The following TAFA1 variants were observed in gnomAD, a reference collection of about 807,000 sequenced individuals.
The protein encoded by TAFA1 is chemokine-like protein TAFA-1.
A neutral mutation model predicts 18.5 loss-of-function variants in TAFA1; 4 were observed. The ratio of observed to expected loss-of-function variants is 0.22; its 90% CI spans 0.11 to 0.49. The LOEUF (loss-of-function observed/expected upper bound fraction) is 0.49. TAFA1 is among the 20% of genes least tolerant of loss of function. The pLI, the probability that TAFA1 is intolerant of heterozygous loss-of-function variation, is 0.98. For synonymous variants in TAFA1, 56 were observed against 55.2 expected (o/e 1.01, Z -0.06); for missense variants, 147 against 169.0 (o/e 0.87, Z 0.72).
chr3:67,999,507 T>A (rs1704261390), upstream of TAFA1, among the ~76,000 whole-genome samples: 1 of 152,178 alleles, frequency 6.6e-6, no homozygotes, highest in African/African-American at 2.4e-5. Context: ...AGGTCCAATA[T>A]ACTGAAATTT....
chr3:68,261,969 A>AT (rs2067434134), intron 2 of TAFA1, among the ~76,000 whole-genome samples: 1 of 149,500 alleles, frequency 6.7e-6, no homozygotes, highest in Admixed American at 6.7e-5. Context: ...ATAATTTGAA[A>AT]TAAAAAAAAA....
At chr3:68,240,504 T>A (rs867741629) in intron 2 of TAFA1, among the ~76,000 whole-genome samples, 41 of 152,294 alleles carry the variant, frequency 2.7e-4, no homozygotes, top group African/African-American at 8.4e-4. Flanking sequence ...CTTCCTTTTT[T>A]AAAATCACTC....
At chr3:68,352,318 A>C (rs2069284448) in intron 2 of TAFA1, among the ~76,000 whole-genome samples, 1 of 151,994 alleles carries the variant, frequency 6.6e-6, no homozygotes, top group Non-Finnish European at 1.5e-5. Context: ...TGCAGGGGAA[A>C]CCTCAGTGAA....
intron 2 of TAFA1, among the ~76,000 whole-genome samples, chr3:68,018,974 G>C (rs1436360048): frequency 6.6e-6 from 1 of 152,142 alleles, no homozygotes; most frequent in Non-Finnish European, 1.5e-5. Flanking sequence ...ATTCCCATTT[G>C]TACAAAACAT....
intron 2 of TAFA1, among the ~76,000 whole-genome samples, chr3:68,369,423 T>A (rs2069636403): frequency 1.3e-5 from 2 of 152,346 alleles, no homozygotes; most frequent in Middle Eastern, 3.4e-3. Context: ...ATTTTCAATT[T>A]ATTCTTTGCA....
At chr3:68,107,551 A>T (rs899590664) in intron 2 of TAFA1, among the ~76,000 whole-genome samples, 17 of 152,134 alleles carry the variant, frequency 1.1e-4, no homozygotes, top group Admixed American at 3.9e-4. Context: ...TTTCTTTGGG[A>T]TCTGGTTCTA....
chr3:68,351,239 A>G (rs186443666), intron 2 of TAFA1, among the ~76,000 whole-genome samples: 1 of 152,238 alleles, frequency 6.6e-6, no homozygotes, highest in Non-Finnish European at 1.5e-5. Context: ...TAATTAAAAG[A>G]GTAACCTGGG....
intron 2 of TAFA1, among the ~76,000 whole-genome samples, chr3:68,097,763 T>G (rs1446288224): frequency 6.6e-5 from 10 of 152,080 alleles, no homozygotes; most frequent in Non-Finnish European, 1.5e-4. Context: ...TAAAATAGAT[T>G]AAGAGCTATG....
rs117405598 is a variant in TAFA1, at chr3:68,337,186, C to G, written c.119-80094C>G. Among the ~76,000 whole-genome samples, 1,630 of 152,198 alleles carry G rather than the reference C, an allele frequency of 0.011. 84 individuals carry two copies. In the East Asian group the frequency reaches 0.17, roughly 16 times the overall value. On this transcript the variant is annotated intron_variant, in intron 2 of 4. Coordinates refer to ENST00000478136, the MANE Select transcript of TAFA1 (RefSeq NM_213609.4). ...GGTTTAATTGGCTCACGGTTCCACA[C>G]ACTATACAGGAAACATGGCTGGGGT...
chr3:67,995,221 G>A, the TAFA1 span, among the ~76,000 whole-genome samples: 1 of 152,126 alleles, frequency 6.6e-6, no homozygotes, highest in Non-Finnish European at 1.5e-5. Flanking sequence ...TATTTTGGGG[G>A]TTGCCATAGT....
chr3:68,166,171 A>T (rs1049023779), intron 2 of TAFA1, among the ~76,000 whole-genome samples: 2 of 152,216 alleles, frequency 1.3e-5, no homozygotes, highest in Admixed American at 1.3e-4. Flanking sequence ...GTAGGCTGAA[A>T]CGTCATTGTT....
At chr3:68,190,399 A>T (rs1019466671) in intron 2 of TAFA1, among the ~76,000 whole-genome samples, 45 of 151,970 alleles carry the variant, frequency 3.0e-4, no homozygotes, top group African/African-American at 1.0e-3. Context: ...CACCCATCTG[A>T]ACTTGACTTT....
At chr3:68,506,745 C>T (rs1290269677) in intron 3 of TAFA1, among the ~76,000 whole-genome samples, 1 of 152,038 alleles carries the variant, frequency 6.6e-6, no homozygotes, top group Non-Finnish European at 1.5e-5. Context: ...TAGCTGAGAA[C>T]CTAACAATGC....
At chr3:68,479,782 T>G (rs1241071849) in intron 3 of TAFA1, among the ~76,000 whole-genome samples, 1 of 152,000 alleles carries the variant, frequency 6.6e-6, no homozygotes, top group Non-Finnish European at 1.5e-5. Context: ...GGAGGCATAA[T>G]TAAATCAGTA....
At chr3:68,248,092 G>A (rs888070186) in intron 2 of TAFA1, among the ~76,000 whole-genome samples, 1 of 152,160 alleles carries the variant, frequency 6.6e-6, no homozygotes, top group Non-Finnish European at 1.5e-5. Context: ...TCATATTAAG[G>A]TTTAGACTTT....
At position 68,479,346 on chromosome 3, in the gene TAFA1, C is replaced by A. The variant is rs147864850; in HGVS notation, c.260-59410C>A. On this transcript the variant is annotated intron_variant, in intron 3 of 4. Transcript: ENST00000478136. ...ACATATATGTGAATACACATATTTC[C>A]ACTCTGTATAAATAACAGCTTTAGA... 3.1e-3 allele frequency among the ~76,000 whole-genome samples: 469 copies of A among 150,784 alleles called. 4 individuals carry two copies. Among genetic ancestry groups the A allele is most frequent in the African/African-American group, 0.011 (438 of 40,902 alleles).
intron 2 of TAFA1, among the ~76,000 whole-genome samples, chr3:68,038,732 A>G (rs1222421787): frequency 1.3e-5 from 2 of 152,232 alleles, no homozygotes; most frequent in Non-Finnish European, 2.9e-5. Flanking sequence ...CAATGACATT[A>G]AAAGTAGGAA....
chr3:68,331,375 T>A (rs533598750), intron 2 of TAFA1, among the ~76,000 whole-genome samples: 11 of 152,304 alleles, frequency 7.2e-5, no homozygotes, highest in Admixed American at 3.9e-4. Context: ...GTGATGGTTT[T>A]GCATCACTGT....
intron 2 of TAFA1, among the ~76,000 whole-genome samples, chr3:68,069,859 A>T (rs1188394258): frequency 6.6e-6 from 1 of 152,226 alleles, no homozygotes; most frequent in Non-Finnish European, 1.5e-5. Flanking sequence ...CTTTGAATCC[A>T]TGTCTCACAT....
Sources: allele counts gnomAD v4.1 joint callset (sites outside exome capture counted in the v4.1 genomes callset), GRCh38; gene constraint gnomAD v4.1.1; transcripts MANE v1.5; gene names NCBI Gene and HGNC (gene_info 2026-07-23, HGNC 2026-07-21).